Variants in GRID1 observed in about 807,000 individuals in gnomAD.
The protein encoded by GRID1 is glutamate ionotropic receptor delta type subunit 1, also known as glutamate receptor ionotropic, delta-1.
A neutral mutation model predicts 98.0 loss-of-function variants in GRID1; 28 were observed. The observed-to-expected ratio is 0.29, with a 90% confidence interval of 0.21 to 0.39. The LOEUF is 0.39. GRID1 is among the 10% of genes least tolerant of loss of function. GRID1 has a pLI of 1.00. For synonymous variants in GRID1, 553 were observed against 538.5 expected, an observed-to-expected ratio of 1.03 and a Z score of -0.37; for missense variants, 1,111 against 1,340.5, an observed-to-expected ratio of 0.83 and a Z score of 2.67.
intron 2 of GRID1, among the ~76,000 whole-genome samples, chr10:86,229,764 C>G (rs1246251670): frequency 6.6e-6 from 1 of 152,226 alleles, no homozygotes; most frequent in Non-Finnish European, 1.5e-5. Flanking sequence ...CCTACCCATA[C>G]CTGGCATCTG....
At chr10:85,608,096 A>G (rs1842693365) in intron 15 of GRID1, among the ~76,000 whole-genome samples, 1 of 152,184 alleles carries the variant, frequency 6.6e-6, no homozygotes, top group Non-Finnish European at 1.5e-5. Context: ...GATTATAGGC[A>G]TGCGCCACTA....
chr10:86,340,624 C>G (rs572369678), intron 2 of GRID1, among the ~76,000 whole-genome samples: 2 of 152,180 alleles, frequency 1.3e-5, no homozygotes, highest in Admixed American at 6.5e-5. Flanking sequence ...GGAGGGGAGT[C>G]ACTGTTTCTC....
chr10:85,602,861 C>G (rs112934595), intron 15 of GRID1, among the ~76,000 whole-genome samples, 160 bp from the exon 16 acceptor site: 149 of 151,938 alleles, frequency 9.8e-4, no homozygotes, highest in African/African-American at 3.5e-3. Context: ...AATTATATGG[C>G]CAACCCTCAG....
At chr10:85,844,406 T>C (rs1842986981) in intron 8 of GRID1, among the ~76,000 whole-genome samples, 1 of 131,772 alleles carries the variant, frequency 7.6e-6, no homozygotes, top group Non-Finnish European at 1.6e-5. Context: ...AGGAAAATAC[T>C]GAATACAACT....
chr10:86,267,671 C>A (rs1359221783), intron 2 of GRID1, among the ~76,000 whole-genome samples: 9 of 152,154 alleles, frequency 5.9e-5, no homozygotes, highest in Admixed American at 5.9e-4. Context: ...ACGGCCATGG[C>A]TCAGCTGAAA....
intron 3 of GRID1, among the ~76,000 whole-genome samples, chr10:86,146,001 C>T (rs1845084824): frequency 6.6e-6 from 1 of 152,186 alleles, no homozygotes; most frequent in Non-Finnish European, 1.5e-5. Context: ...TATCCCTCCA[C>T]TCCCTCTGAA....
intron 2 of GRID1, among the ~76,000 whole-genome samples, chr10:86,342,341 T>A (rs1301087250): frequency 6.6e-6 from 1 of 152,048 alleles, no homozygotes; most frequent in Non-Finnish European, 1.5e-5. Flanking sequence ...CAAGTCCAGG[T>A]CCCAGTGATG....
chr10:85,793,769 C>G (rs1357132814), intron 8 of GRID1, among the ~76,000 whole-genome samples: 2 of 152,164 alleles, frequency 1.3e-5, no homozygotes, highest in African/African-American at 4.8e-5. Context: ...AATCAATCAA[C>G]AGTGGGAAGG....
At chr10:86,070,557 G>A (rs997882085) in intron 4 of GRID1, among the ~76,000 whole-genome samples, 1 of 152,124 alleles carries the variant, frequency 6.6e-6, no homozygotes, top group Non-Finnish European at 1.5e-5. Context: ...AGGGAATCCT[G>A]CAGGGTGCCG....
chr10:86,267,921 C>T (rs1847128062), intron 2 of GRID1, among the ~76,000 whole-genome samples: 1 of 152,354 alleles, frequency 6.6e-6, no homozygotes, highest in Admixed American at 6.5e-5. Flanking sequence ...TTCTTAGCTT[C>T]AAACTGGGGG....
chr10:86,034,374 A>C (rs994774080), intron 4 of GRID1, among the ~76,000 whole-genome samples: 11 of 152,210 alleles, frequency 7.2e-5, no homozygotes, highest in Non-Finnish European at 1.6e-4. Flanking sequence ...TTTACCCACC[A>C]GCTGCTAATG....
intron 2 of GRID1, among the ~76,000 whole-genome samples, chr10:86,263,275 C>T (rs1271293814): frequency 2.0e-5 from 3 of 152,266 alleles, no homozygotes; most frequent in African/African-American, 7.2e-5. Flanking sequence ...CGGAGAAGCT[C>T]CCGCATTCAA....
Position 85,967,937 on chromosome 10 carries a change from AAGG to A in GRID1, c.727-51701_727-51699del, listed in dbSNP as rs373399674. On this transcript the variant is annotated intron_variant, in intron 4 of 15. Transcript: ENST00000327946. ...TGGCAAAAACTAGCCAGCAAAAATG[AAGG>A]AGAAATTAAGACATTCACAGATAAA... is the stretch of plus-strand genomic sequence containing the variant. 2.9e-3 allele frequency among the ~76,000 whole-genome samples: 435 copies of A among 152,352 alleles called. 3 individuals are homozygous for A. Among genetic ancestry groups the A allele is most frequent in the African/African-American group, 0.01 (418 of 41,590 alleles).
intron 3 of GRID1, among the ~76,000 whole-genome samples, chr10:86,172,496 A>G (rs1048153364): frequency 2.0e-5 from 3 of 152,174 alleles, no homozygotes; most frequent in Non-Finnish European, 4.4e-5. Context: ...CAGAGCCCAC[A>G]CTTAAGCCTC....
intron 14 of GRID1, among the ~76,000 whole-genome samples, chr10:85,618,530 A>G (rs1842818992): frequency 6.6e-6 from 1 of 152,204 alleles, no homozygotes; most frequent in Non-Finnish European, 1.5e-5. Context: ...TCTGCTCCAG[A>G]GAGCAGAGGG....
At chr10:86,225,995 T>G (rs1415654462) in intron 2 of GRID1, among the ~76,000 whole-genome samples, 4 of 151,990 alleles carry the variant, frequency 2.6e-5, no homozygotes, top group Non-Finnish European at 5.9e-5. Context: ...GCTTTGGAAT[T>G]CCACAGGCCC....
At chr10:86,360,180 G>T (rs1455387723) in intron 2 of GRID1, among the ~76,000 whole-genome samples, 2 of 151,862 alleles carry the variant, frequency 1.3e-5, no homozygotes, top group Non-Finnish European at 2.9e-5. Flanking sequence ...AAAAAAAAAA[G>T]TTTTGAATAT....
Position 85,727,835 on chromosome 10 carries a change from G to A in GRID1, c.1533+20C>T. 1 of 1,595,808 alleles carries A rather than the reference G, an allele frequency of 6.3e-7. No individual in the cohort carries two copies. The highest frequency in any genetic ancestry group is 1.3e-5 in the African/African-American group (1 of 74,622). On this transcript the variant is annotated intron_variant, in intron 10 of 15. Coordinates refer to ENST00000327946, the MANE Select transcript of GRID1 (RefSeq NM_017551.3). ...GAAGACTAGGGTGCCCCTCCCCCTG[G>A]ATCTGCTATGGGGACCTACCTTGCT...
At chr10:86,284,806 G>A (rs1847405910) in intron 2 of GRID1, among the ~76,000 whole-genome samples, 1 of 152,230 alleles carries the variant, frequency 6.6e-6, no homozygotes, top group African/African-American at 2.4e-5. Context: ...GGGGCATAGG[G>A]TCGCAGCAGA....
Sources: allele counts gnomAD v4.1 joint callset (sites outside exome capture counted in the v4.1 genomes callset), GRCh38; gene constraint gnomAD v4.1.1; transcripts MANE v1.5; gene names NCBI Gene and HGNC (gene_info 2026-07-23, HGNC 2026-07-21).